KHDRBS2: variants seen among roughly 807,000 people sequenced by gnomAD.
The protein encoded by KHDRBS2 is KH domain-containing, RNA-binding, signal transduction-associated protein 2.
A neutral mutation model predicts 44.3 loss-of-function variants in KHDRBS2; 26 were observed. The observed-to-expected ratio is 0.59, with a 90% CI of 0.43 to 0.81. KHDRBS2 has a LOEUF of 0.81. Among genes scored for constraint, KHDRBS2 ranks in the 40% least tolerant of loss-of-function variants. The pLI, the probability that KHDRBS2 is intolerant of heterozygous loss-of-function variation, is 0.00. For missense variants in KHDRBS2, 476 were observed against 433.1 expected (o/e 1.10, Z -0.88); for synonymous variants, 194 against 151.1 (o/e 1.28, Z -2.08).
intron 4 of KHDRBS2, among the ~76,000 whole-genome samples, chr6:61,966,063 G>A (rs1413501194): frequency 6.6e-6 from 1 of 151,926 alleles, no homozygotes; most frequent in Non-Finnish European, 1.5e-5. Context: ...TGTTATGATT[G>A]ATATCAGGGG....
intron 6 of KHDRBS2, among the ~76,000 whole-genome samples, chr6:61,756,594 T>C (rs2127570935): frequency 6.6e-6 from 1 of 152,344 alleles, no homozygotes; most frequent in South Asian, 2.1e-4. Context: ...AGTTTACATA[T>C]GAGTAATCTT....
At chr6:61,875,622 C>T (rs1463888493) in intron 6 of KHDRBS2, among the ~76,000 whole-genome samples, 1 of 152,110 alleles carries the variant, frequency 6.6e-6, no homozygotes, top group Non-Finnish European at 1.5e-5. Flanking sequence ...TCCACTTTTC[C>T]ACAAAGTATT....
the KHDRBS2 span, among the ~76,000 whole-genome samples, chr6:61,550,089 T>C: frequency 6.6e-6 from 1 of 152,102 alleles, no homozygotes; most frequent in Non-Finnish European, 1.5e-5. Flanking sequence ...CATAGGTAGG[T>C]TTGTTATATG....
chr6:62,103,356 G>T (rs1268232474), intron 2 of KHDRBS2, among the ~76,000 whole-genome samples: 1 of 152,226 alleles, frequency 6.6e-6, no homozygotes, highest in African/African-American at 2.4e-5. Context: ...ATGCTAATCA[G>T]CACCCAAAGT....
intron 1 of KHDRBS2, among the ~76,000 whole-genome samples, chr6:62,250,739 C>T (rs967556855): frequency 1.3e-5 from 2 of 151,682 alleles, no homozygotes; most frequent in Non-Finnish European, 2.9e-5. Context: ...GGTATTGAAG[C>T]GTCTCATCAC....
chr6:61,943,123 A>AAAAG lies in KHDRBS2; in HGVS notation c.483+34939_483+34942dup, dbSNP rs1212628034. Among the ~76,000 whole-genome samples the AAAAG allele has an allele frequency of 1.4e-4, 19 of 139,144 alleles. 1 individual carries two copies. Among genetic ancestry groups the AAAAG allele is most frequent in the African/African-American group, 4.9e-4 (19 of 38,588 alleles). 91.3% of individuals were successfully genotyped at this position (139,144 alleles called of 152,430 possible). On this transcript the variant is annotated intron_variant, in intron 4 of 8. Coordinates refer to ENST00000281156, the MANE Select transcript of KHDRBS2 (RefSeq NM_152688.4). ...GGAAGAAAGAAAGAAAAGAAAAAAG[A>AAAAG]AAAGAAAGAAAGAAATAAAACCTGA...
At chr6:61,794,790 T>G (rs1743442) in intron 6 of KHDRBS2, among the ~76,000 whole-genome samples, 97,496 of 151,864 alleles carry the variant, frequency 0.64, 32,015 homozygotes, top group African/African-American at 0.79. Context: ...TATCCCTCAA[T>G]AATGCTTAGT....
intron 1 of KHDRBS2, among the ~76,000 whole-genome samples, chr6:62,224,180 A>C (rs1831366303): frequency 6.6e-6 from 1 of 152,174 alleles, no homozygotes; most frequent in Non-Finnish European, 1.5e-5. Context: ...CACTGCTTAC[A>C]TGACAGCAGC....
chr6:61,557,092 G>T, the KHDRBS2 span, among the ~76,000 whole-genome samples: 1 of 152,012 alleles, frequency 6.6e-6, no homozygotes, highest in Non-Finnish European at 1.5e-5. Context: ...TTGCCCTCAT[G>T]TACCACCTGA....
rs150664808 is a variant in KHDRBS2, at chr6:61,752,156, G to A, written c.811-19392C>T. 5.3e-5 allele frequency among the ~76,000 whole-genome samples: 8 copies of A among 152,266 alleles called. No homozygotes were observed. The East Asian group carries it at 7.7e-4, about 15-fold the overall frequency. On this transcript the variant is annotated intron_variant, in intron 6 of 8. Transcript: ENST00000281156. Reference sequence around the variant, plus strand: ...TCCACCCATAAGGAAGTGAGGCATCGTAAATCACAGGAAGGGGTGGAAAGG... The same window carrying A: ...TCCACCCATAAGGAAGTGAGGCATCATAAATCACAGGAAGGGGTGGAAAGG...
chr6:61,718,583 G>A (rs1771829895), intron 7 of KHDRBS2, among the ~76,000 whole-genome samples: 1 of 151,964 alleles, frequency 6.6e-6, no homozygotes, highest in South Asian at 2.1e-4. Flanking sequence ...GCTTCCTACT[G>A]GGTCCATCCA....
chr6:62,212,948 A>G (rs1829336019), intron 1 of KHDRBS2, among the ~76,000 whole-genome samples: 1 of 152,190 alleles, frequency 6.6e-6, no homozygotes, highest in African/African-American at 2.4e-5. Context: ...ATCACCTACT[A>G]GAAGATTTAG....
intron 6 of KHDRBS2, among the ~76,000 whole-genome samples, chr6:61,771,269 G>A (rs1157722463): frequency 6.6e-6 from 1 of 151,942 alleles, no homozygotes; most frequent in African/African-American, 2.4e-5. Flanking sequence ...TAGGAAGAAA[G>A]TGCATCAACT....
At chr6:62,157,266 T>A (rs1307170869) in intron 2 of KHDRBS2, among the ~76,000 whole-genome samples, 1 of 151,308 alleles carries the variant, frequency 6.6e-6, no homozygotes, top group East Asian at 2.0e-4. Flanking sequence ...GAGGTTGCAG[T>A]CAGTGAGCCA....
At chr6:61,863,283 A>G (rs1472988872) in intron 6 of KHDRBS2, among the ~76,000 whole-genome samples, 1 of 142,902 alleles carries the variant, frequency 7.0e-6, no homozygotes, top group Non-Finnish European at 1.5e-5. Flanking sequence ...TTGTCTTTCA[A>G]TCTCCTTCAG....
At chr6:62,238,052 CAA>C (rs398048582) in intron 1 of KHDRBS2, among the ~76,000 whole-genome samples, 19,832 of 116,704 alleles carry the variant, frequency 0.17, 1,436 homozygotes, top group East Asian at 0.23. Context: ...GACTCTGTCT[CAA>C]AAAAAAAAAA....
intron 7 of KHDRBS2, among the ~76,000 whole-genome samples, chr6:61,712,827 A>G (rs1302375412): frequency 2.6e-5 from 4 of 151,694 alleles, no homozygotes; most frequent in Non-Finnish European, 5.9e-5. Context: ...AGCCTTTTAT[A>G]CTTCTCTTTT....
At chr6:61,639,913 T>C in the KHDRBS2 span, among the ~76,000 whole-genome samples, 3 of 152,046 alleles carry the variant, frequency 2.0e-5, no homozygotes, top group Non-Finnish European at 4.4e-5. Context: ...GTTATAGATA[T>C]AATAACCAAA....
chr6:62,236,776 C>T (rs1048131296), intron 1 of KHDRBS2, among the ~76,000 whole-genome samples: 1 of 151,960 alleles, frequency 6.6e-6, no homozygotes, highest in African/African-American at 2.4e-5. Flanking sequence ...AGGTATATTT[C>T]TATATTGATA....
Sources: allele counts gnomAD v4.1 joint callset (sites outside exome capture counted in the v4.1 genomes callset), GRCh38; gene constraint gnomAD v4.1.1; transcripts MANE v1.5; gene names NCBI Gene and HGNC (gene_info 2026-07-23, HGNC 2026-07-21).